The following TOP2A variants were observed in gnomAD, a reference collection of about 807,000 sequenced individuals.
TOP2A encodes DNA topoisomerase 2-alpha.
A neutral mutation model predicts 187.2 loss-of-function variants in TOP2A; 68 were observed. The observed-to-expected ratio is 0.36, with a 90% CI of 0.30 to 0.44. The LOEUF is 0.44. TOP2A is among the 20% of genes least tolerant of loss of function. The pLI is 1.00. For synonymous variants in TOP2A, 542 were observed against 593.2 expected (o/e 0.91, Z 1.25); for missense variants, 1,196 against 1,808.7 (o/e 0.66, Z 6.14).
chr17:40,409,422 C>A, intron 10 of TOP2A: 1 of 426,532 alleles, frequency 2.3e-6, no homozygotes, highest in Non-Finnish European at 4.6e-6. Context: ...ACAAATAAAA[C>A]AAATTGAGAC....
intron 4 of TOP2A, 116 bp from the exon 5 acceptor site, chr17:40,413,741 G>T: frequency 2.0e-6 from 1 of 504,720 alleles, no homozygotes; most frequent in Non-Finnish European, 3.2e-6. Context: ...GGGCGCGGTG[G>T]CCTGTGCCTG....
At position 40,413,567 on chromosome 17, in the gene TOP2A, T is replaced by C. The variant is rs930032673; in HGVS notation, c.391A>G (p.Lys131Glu). Residue 131 changes from lysine to glutamate, a missense_variant, in exon 5 of 35, where the codon AAA becomes GAA. Lys to Glu is a moderately conservative substitution (Grantham distance 56). This residue lies in a region of TOP2A where 97 missense variants were observed against 171.0 expected (regional missense o/e 0.57). Transcript: ENST00000423485. ...NGKGIPVVEH[K>E]VEKMYVPALI... Reference sequence around the variant, plus strand: ...GCTGGGACATACATCTTTTCAACTTTGTGTTCAACAACAGGAATACCTTTT... The same window carrying C: ...GCTGGGACATACATCTTTTCAACTTCGTGTTCAACAACAGGAATACCTTTT... 1.5e-5 allele frequency: 23 copies of C among 1,514,410 alleles called. No individual in the cohort carries two copies. In the African/African-American group the frequency reaches 3.0e-4, roughly 20 times the overall value. 93.8% of individuals were successfully genotyped at this position (1,514,410 alleles called of 1,614,324 possible). A position where few individuals can be genotyped will look rare whatever the true frequency, so the allele number is the denominator to read the frequency against.
intron 10 of TOP2A, 143 bp downstream of exon 10, chr17:40,410,966 T>C: frequency 1.3e-6 from 1 of 799,180 alleles, no homozygotes; most frequent in East Asian, 2.7e-5. Flanking sequence ...TCAGTTAAAG[T>C]AAAGCCCTTT....
chr17:40,413,372 T>C (rs2035347661), intron 5 of TOP2A, 80 bp from the exon 6 acceptor site: 2 of 1,399,920 alleles, frequency 1.4e-6, no homozygotes, highest in Non-Finnish European at 1.9e-6. Context: ...GGCAGAGCTA[T>C]TCAATTATAG....
rs548652478 is a variant in TOP2A, at chr17:40,400,881, C to T, written c.2633G>A (p.Arg878His). The T allele has an allele frequency of 6.8e-6, 11 of 1,613,960 alleles. No individual in the cohort carries two copies. Among genetic ancestry groups the T allele is most frequent in the East Asian group, 2.2e-5 (1 of 44,884 alleles). ...DVREIVNNIR[R>H]LMDGEEPLPM... ...CAAAGGTTCTTCTCCATCCATCAAACGCCTGATGTTATTTACAATTTCACG... is the reference window on the plus strand; with the variant it reads ...CAAAGGTTCTTCTCCATCCATCAAATGCCTGATGTTATTTACAATTTCACG... Residue 878 changes from arginine (R) to histidine (H), a missense_variant, in exon 21 of 35, where the codon CGT (arginine) becomes CAT (histidine). Transcript: ENST00000423485.
intron 27 of TOP2A, among the ~76,000 whole-genome samples, chr17:40,396,944 A>G (rs574033088): frequency 2.4e-3 from 361 of 149,962 alleles, no homozygotes; most frequent in African/African-American, 8.3e-3. Flanking sequence ...ACAATGGTAC[A>G]TGATCATAGT....
At chr17:40,408,712 A>AAT (rs1567788735) in intron 10 of TOP2A, 82 bp from the exon 11 acceptor site, 5 of 1,398,208 alleles carry the variant, frequency 3.6e-6, no homozygotes, top group Non-Finnish European at 1.0e-6. Context: ...ATGAGCCTTA[A>AAT]TACAAATAAA....
At chr17:40,396,609 A>G in intron 27 of TOP2A, 144 bp from the exon 28 acceptor site, 1 of 1,000,746 alleles carries the variant, frequency 1.0e-6, no homozygotes, top group South Asian at 1.8e-5. Context: ...ACTATCAACA[A>G]TAGTGAAGAT....
chr17:40,398,438 ATCC>A lies in TOP2A; in HGVS notation c.3537+117_3537+119del, dbSNP rs2035131030. The A allele has an allele frequency of 3.4e-5, 30 of 875,206 alleles. No individual in the cohort carries two copies. In the South Asian group the frequency reaches 5.3e-4, roughly 15 times the overall value. The allele number at this position is 875,206 out of a possible 1,614,324, so 54.2% of individuals were successfully genotyped here. ...TTCTTTTATACGCTATTTGGAATTT[ATCC>A]TTATGCCTCTTATTTTCTTTTTATT... On this transcript the variant is annotated intron_variant, in intron 27 of 34. Coordinates refer to ENST00000423485, the MANE Select transcript of TOP2A (RefSeq NM_001067.4).
chr17:40,417,665 G>A (rs965659214), intron 1 of TOP2A, 106 bp downstream of exon 1: 13 of 1,572,978 alleles, frequency 8.3e-6, no homozygotes, highest in African/African-American at 8.1e-5. Context: ...CTCCCAAGCC[G>A]GTCGCCGGCC....
At position 40,388,894 on chromosome 17, in the gene TOP2A, T is replaced by A. The variant is rs1052097457; in HGVS notation, c.*625A>T. 3.0e-5 allele frequency: 6 copies of A among 202,760 alleles called. No individual in the cohort carries two copies. The highest frequency in any genetic ancestry group is 5.1e-5 in the Non-Finnish European group (5 of 98,576). The allele number at this position is 202,760 out of a possible 1,614,324, so 12.6% of individuals were successfully genotyped here. A position where few individuals can be genotyped will look rare whatever the true frequency, so the allele number is the denominator to read the frequency against. ...CACATAACTACTCTAATTTTCTTCA[T>A]TCTATTGACTGTGTCAAGTTATAGA... On this transcript the variant is annotated 3_prime_UTR_variant, in exon 35 of 35. Transcript: ENST00000423485.
Position 40,406,692 on chromosome 17 carries a change from G to T in TOP2A, c.1738-3C>A. The T allele has an allele frequency of 6.2e-7, 1 of 1,610,240 alleles. No homozygotes were observed. Among genetic ancestry groups the T allele is most frequent in the South Asian group, 1.1e-5 (1 of 90,940 alleles). On this transcript the variant is annotated splice_polypyrimidine_tract_variant and splice_region_variant and intron_variant, in intron 14 of 34. Coordinates refer to ENST00000423485, the MANE Select transcript of TOP2A (RefSeq NM_001067.4). ...ATTTCTTGCTTGTTTTTAGATACCT[G>T]TGATAAAAAACAATGACTGTGGCTT... is the stretch of plus-strand genomic sequence containing the variant.
Position 40,389,041 on chromosome 17 carries a change from C to T in TOP2A, c.*478G>A, listed in dbSNP as rs2034991289. ...GGCTGAGTGTAGTAGAGTATCTGTA[C>T]TAGAACCATAAAGTTCTATCTGATG... On this transcript the variant is annotated 3_prime_UTR_variant, in exon 35 of 35. Coordinates refer to ENST00000423485, the MANE Select transcript of TOP2A (RefSeq NM_001067.4). 4.6e-6 allele frequency: 1 copy of T among 216,996 alleles called. No individual in the cohort carries two copies. The highest frequency in any genetic ancestry group is 9.3e-6 in the Non-Finnish European group (1 of 107,078). 13.4% of individuals were successfully genotyped at this position (216,996 alleles called of 1,614,324 possible).
intron 16 of TOP2A, 82 bp downstream of exon 16, chr17:40,406,302 T>C: frequency 1.1e-6 from 1 of 951,402 alleles, no homozygotes; most frequent in Non-Finnish European, 1.6e-6. Flanking sequence ...TACGGAGTCT[T>C]ATACAAAAAT....
At chr17:40,391,922 C>G (rs1345813959) in intron 32 of TOP2A, 146 bp downstream of exon 32, 6 of 915,012 alleles carry the variant, frequency 6.6e-6, no homozygotes, top group Non-Finnish European at 9.7e-6. Context: ...AAACTAAACC[C>G]AGTGAACAGT....
chr17:40,404,454 T>C lies in TOP2A; in HGVS notation c.2084A>G (p.Tyr695Cys). ...AAGTTCCTTGTTGATGAAGTCATTA[T>C]ATGTCAGATATGTGGTAGTTTGTCC... ...LYGQTTTYLTYNDFINKELIL... is the reference protein window; with the variant it reads ...LYGQTTTYLTCNDFINKELIL... Residue 695 changes from tyrosine to cysteine, a missense_variant, in exon 18 of 35, where the codon TAT becomes TGT. By Grantham distance (194) the Tyr-to-Cys change is radical (BLOSUM62 -2). Coordinates refer to ENST00000423485, the MANE Select transcript of TOP2A (RefSeq NM_001067.4). 6.2e-7 allele frequency: 1 copy of C among 1,610,568 alleles called. No individual in the cohort carries two copies. Among genetic ancestry groups the C allele is most frequent in the Non-Finnish European group, 8.5e-7 (1 of 1,177,254 alleles).
At position 40,400,462 on chromosome 17, in the gene TOP2A, A is replaced by G; in HGVS notation, c.2800-53T>C. On this transcript the variant is annotated intron_variant, in intron 22 of 34. Coordinates refer to ENST00000423485, the MANE Select transcript of TOP2A (RefSeq NM_001067.4). ...CTAAAATATAGGCTTCTGAATAGTC[A>G]ACAGCAATAGTACAAAAGGTATTTC... 4 of 1,604,326 alleles carry G rather than the reference A, an allele frequency of 2.5e-6. No homozygotes were observed. The South Asian group carries it at 4.4e-5, about 18-fold the overall frequency.
chr17:40,408,377 T>C lies in TOP2A; in HGVS notation c.1342+115A>G, dbSNP rs1598616731. ...AAACGGGCCGATTTTTAACAAGTTA[T>C]TCTGTTGAATATAGTTATTCTGTCA... On this transcript the variant is annotated intron_variant, in intron 11 of 34. Coordinates refer to ENST00000423485, the MANE Select transcript of TOP2A (RefSeq NM_001067.4). The C allele has an allele frequency of 2.6e-6, 3 of 1,148,408 alleles. No individual in the cohort carries two copies. The East Asian group carries it at 7.7e-5, about 30-fold the overall frequency. The allele number at this position is 1,148,408 out of a possible 1,614,324, so 71.1% of individuals were successfully genotyped here. A position where few individuals can be genotyped will look rare whatever the true frequency, so the allele number is the denominator to read the frequency against.
chr17:40,400,984 T>G lies in TOP2A; in HGVS notation c.2530A>C (p.Ile844Leu). ...CCATTTATCAGCACCATGGGAATAA[T>G]AGGAATGTACCATTCAGGCTCAACA... ...QRVEPEWYIP[I>L]IPMVLINGAE... is the part of the protein sequence containing the mutation. Residue 844 changes from isoleucine to leucine, a missense_variant, in exon 21 of 35, where the codon ATT becomes CTT. By Grantham distance (5) the Ile-to-Leu change is conservative. Transcript: ENST00000423485. 6.2e-7 allele frequency: 1 copy of G among 1,613,944 alleles called. No homozygotes were observed. Among genetic ancestry groups the G allele is most frequent in the East Asian group, 2.2e-5 (1 of 44,880 alleles).
Sources: allele counts gnomAD v4.1 joint callset (sites outside exome capture counted in the v4.1 genomes callset), GRCh38; gene constraint gnomAD v4.1.1; regional missense constraint gnomAD v4.1.1; transcripts MANE v1.5; gene names NCBI Gene and HGNC (gene_info 2026-07-23, HGNC 2026-07-21).